NBEA: variants seen among roughly 807,000 people sequenced by gnomAD.
NBEA encodes the protein neurobeachin.
NBEA carries 44 observed loss-of-function variants against 343.4 expected under a neutral mutation model. That is an observed-to-expected ratio of 0.13 (90% CI 0.10 to 0.16). The LOEUF (loss-of-function observed/expected upper bound fraction) is 0.16, where lower values mean the gene tolerates loss of function less well. Among genes scored for constraint, NBEA ranks in the 10% least tolerant of loss-of-function variants. The pLI is 1.00. For synonymous variants in NBEA, 1,175 were observed against 1,238.7 expected, an observed-to-expected ratio of 0.95 and a Z score of 1.08; for missense variants, 2,555 against 3,631.3, an observed-to-expected ratio of 0.70 and a Z score of 7.62.
At chr13:35,335,311 T>C (rs912136536) in intron 36 of NBEA, among the ~76,000 whole-genome samples, 1 of 152,186 alleles carries the variant, frequency 6.6e-6, no homozygotes, top group African/African-American at 2.4e-5. Context: ...TTAGGATAGC[T>C]TTGGCTATTC....
chr13:35,422,540 G>A (rs1310786621), intron 38 of NBEA, among the ~76,000 whole-genome samples: 1 of 151,988 alleles, frequency 6.6e-6, no homozygotes, highest in Non-Finnish European at 1.5e-5. Flanking sequence ...TCTTAATCCA[G>A]TCTATCGTTG....
intron 27 of NBEA, among the ~76,000 whole-genome samples, chr13:35,173,960 C>T (rs374936871): frequency 6.6e-6 from 1 of 151,996 alleles, no homozygotes; most frequent in Non-Finnish European, 1.5e-5. Context: ...CACTGAATGC[C>T]CATTCAATGA....
intron 45 of NBEA, among the ~76,000 whole-genome samples, chr13:35,575,348 ATATTT>A (rs1321808257): frequency 6.6e-6 from 1 of 152,220 alleles, no homozygotes; most frequent in Non-Finnish European, 1.5e-5. Context: ...TAATTTTAAC[ATATTT>A]TAGAGAAACA....
intron 38 of NBEA, among the ~76,000 whole-genome samples, chr13:35,387,980 T>TC (rs1566061969): frequency 6.6e-6 from 1 of 152,172 alleles, no homozygotes; most frequent in African/African-American, 2.4e-5. Context: ...GGAAAATCTT[T>TC]CCCCCCAGAG....
At chr13:35,084,810 TATC>T (rs1306128997) in intron 10 of NBEA, among the ~76,000 whole-genome samples, 1 of 151,534 alleles carries the variant, frequency 6.6e-6, no homozygotes, top group African/African-American at 2.4e-5. Flanking sequence ...TTTTTGAAAA[TATC>T]AACAAAATTG....
chr13:35,387,254 C>T (rs949521943), intron 38 of NBEA, among the ~76,000 whole-genome samples: 3 of 152,002 alleles, frequency 2.0e-5, no homozygotes, highest in African/African-American at 7.2e-5. Flanking sequence ...TATAGATGTG[C>T]TGTTTATGGG....
At chr13:35,423,952 G>T (rs977294603) in intron 38 of NBEA, among the ~76,000 whole-genome samples, 36 of 152,124 alleles carry the variant, frequency 2.4e-4, no homozygotes, top group Non-Finnish European at 4.9e-4. Context: ...CTCTCTGTTT[G>T]TCTGTTATTG....
In NBEA at chr13:35,344,281, T is replaced by C. The variant is rs2039750422; in HGVS notation, c.5904-4827T>C. ...AAAATGAAACATGAAGATAAATCTATTTGCGTAAAAGCTTATTACTTGAGA... is the reference window on the plus strand; with the variant it reads ...AAAATGAAACATGAAGATAAATCTACTTGCGTAAAAGCTTATTACTTGAGA... On this transcript the variant is annotated intron_variant, in intron 36 of 58. Transcript: ENST00000379939. Among the ~76,000 whole-genome samples, 3 of 152,028 alleles carry C rather than the reference T, an allele frequency of 2.0e-5. No individual in the cohort carries two copies. In the South Asian group the frequency reaches 6.2e-4, roughly 31 times the overall value.
At chr13:35,396,817 C>T (rs1180264680) in intron 38 of NBEA, among the ~76,000 whole-genome samples, 1 of 152,140 alleles carries the variant, frequency 6.6e-6, no homozygotes, top group African/African-American at 2.4e-5. Flanking sequence ...AAGTAGAACT[C>T]GAACTAGGAG....
intron 36 of NBEA, among the ~76,000 whole-genome samples, chr13:35,334,518 C>T (rs2039129393): frequency 6.6e-6 from 1 of 152,204 alleles, no homozygotes; most frequent in Non-Finnish European, 1.5e-5. Context: ...GATCCACCCA[C>T]CTTGGTGTCC....
rs553875778 is a variant in NBEA, at chr13:35,527,661, G to A, written c.6586-22816G>A. On this transcript the variant is annotated intron_variant, in intron 41 of 58. Coordinates refer to ENST00000379939, the MANE Select transcript of NBEA (RefSeq NM_001385012.1). Reference sequence around the variant, plus strand: ...CCACAGCCTTGTACTGTACCAGAACGTGCTGGGAGCCAGGAGAGGCCAGGG... The same window carrying A: ...CCACAGCCTTGTACTGTACCAGAACATGCTGGGAGCCAGGAGAGGCCAGGG... Among the ~76,000 whole-genome samples, 42 of 152,314 alleles carry A rather than the reference G, an allele frequency of 2.8e-4. No individual in the cohort carries two copies. The South Asian group carries it at 5.2e-3, about 19-fold the overall frequency.
intron 34 of NBEA, among the ~76,000 whole-genome samples, chr13:35,263,229 T>A (rs74048967): frequency 0.042 from 6,438 of 152,258 alleles, 160 homozygotes; most frequent in South Asian, 0.077. Context: ...GAAAAGGCAG[T>A]CTTTTCAACA....
intron 39 of NBEA, among the ~76,000 whole-genome samples, chr13:35,450,996 AT>A (rs530650459): frequency 3.3e-5 from 5 of 152,232 alleles, no homozygotes; most frequent in Non-Finnish European, 7.3e-5. Context: ...AAGCAGTCAA[AT>A]TCTTGAGGGA....
intron 45 of NBEA, among the ~76,000 whole-genome samples, chr13:35,567,849 AAAC>A (rs2080208782): frequency 6.6e-6 from 1 of 152,178 alleles, no homozygotes; most frequent in Non-Finnish European, 1.5e-5. Context: ...TGATTTAGGG[AAAC>A]AACATTACAG....
At position 35,314,226 on chromosome 13, in the gene NBEA, G is replaced by A. The variant is rs118117141; in HGVS notation, c.5903+4634G>A. Among the ~76,000 whole-genome samples, 1,340 of 152,176 alleles carry A rather than the reference G, an allele frequency of 8.8e-3. 9 individuals carry two copies. The highest frequency in any genetic ancestry group is 0.037 in the South Asian group (176 of 4,820). ...GAGGGTATATACTATCTTTAGAAAA[G>A]TAAAGAATACTGAAAATAGCGATTG... On this transcript the variant is annotated intron_variant, in intron 36 of 58. Coordinates refer to ENST00000379939, the MANE Select transcript of NBEA (RefSeq NM_001385012.1).
At chr13:35,655,122 T>A in intron 54 of NBEA, 112 bp downstream of exon 54, 1 of 796,084 alleles carries the variant, frequency 1.3e-6, no homozygotes, top group Non-Finnish European at 1.8e-6. Flanking sequence ...CCAACTTGAG[T>A]AGTCAAGATT....
At chr13:35,527,855 G>A (rs1400255080) in intron 41 of NBEA, among the ~76,000 whole-genome samples, 2 of 152,162 alleles carry the variant, frequency 1.3e-5, no homozygotes, top group African/African-American at 2.4e-5. Flanking sequence ...AACTTCATCC[G>A]CACCTTCCGC....
chr13:35,515,194 C>G (rs759784360), intron 41 of NBEA, among the ~76,000 whole-genome samples: 2 of 152,092 alleles, frequency 1.3e-5, no homozygotes, highest in Non-Finnish European at 2.9e-5. Context: ...TCATTATTAC[C>G]TTCATGTAGA....
At chr13:35,331,389 A>G (rs1465814306) in intron 36 of NBEA, among the ~76,000 whole-genome samples, 1 of 152,022 alleles carries the variant, frequency 6.6e-6, no homozygotes, top group South Asian at 2.1e-4. Context: ...TTCTCTGATG[A>G]CAAAAACTGA....
Sources: allele counts gnomAD v4.1 joint callset (sites outside exome capture counted in the v4.1 genomes callset), GRCh38; gene constraint gnomAD v4.1.1; transcripts MANE v1.5; gene names NCBI Gene and HGNC (gene_info 2026-07-23, HGNC 2026-07-21).